Variants in MEGF11 observed in about 807,000 individuals in gnomAD.
MEGF11 encodes multiple EGF like domains 11.
In MEGF11, 126 loss-of-function variants were observed where a neutral mutation model predicts 146.6. The ratio of observed to expected loss-of-function variants is 0.86; its 90% CI spans 0.74 to 1.00. The LOEUF is 1.00. Ranked by LOEUF, MEGF11 falls within the 50% of genes least tolerant of loss-of-function variation. The pLI, the probability that MEGF11 is intolerant of heterozygous loss-of-function variation, is 0.00. For missense variants in MEGF11, 1,509 were observed against 1,521.2 expected, an observed-to-expected ratio of 0.99 and a Z score of 0.13; for synonymous variants, 532 against 583.4, an observed-to-expected ratio of 0.91 and a Z score of 1.27.
At chr15:66,104,216 T>C (rs1034505) in intron 4 of MEGF11, among the ~76,000 whole-genome samples, 124,888 of 152,194 alleles carry the variant, frequency 0.82, 51,522 homozygotes, top group East Asian at 0.89. Context: ...ACAAGCTTCG[T>C]TATCTTGTCT....
intron 5 of MEGF11, among the ~76,000 whole-genome samples, chr15:66,030,039 A>G (rs2083461593): frequency 6.6e-6 from 1 of 152,236 alleles, no homozygotes; most frequent in Non-Finnish European, 1.5e-5. Flanking sequence ...CTCAGCGCTA[A>G]GCGGGATCAT....
chr15:65,974,005 T>G (rs2081374646), intron 7 of MEGF11, among the ~76,000 whole-genome samples: 1 of 152,222 alleles, frequency 6.6e-6, no homozygotes, highest in Non-Finnish European at 1.5e-5. Flanking sequence ...TCTTGTCTCC[T>G]GCTGCCCTTC....
chr15:66,010,482 C>T (rs2082677644), intron 5 of MEGF11, among the ~76,000 whole-genome samples: 2 of 152,108 alleles, frequency 1.3e-5, no homozygotes, highest in South Asian at 2.1e-4. Flanking sequence ...CATGACTCAC[C>T]GCACCCAGCA....
chr15:66,232,050 G>A (rs1405479916), intron 1 of MEGF11, among the ~76,000 whole-genome samples: 2 of 152,210 alleles, frequency 1.3e-5, no homozygotes, highest in African/African-American at 2.4e-5. Context: ...GATGATGGTG[G>A]TAGAGCTGAG....
chr15:66,239,064 C>T (rs1240937612), intron 1 of MEGF11, among the ~76,000 whole-genome samples: 1 of 152,178 alleles, frequency 6.6e-6, no homozygotes, highest in East Asian at 1.9e-4. Flanking sequence ...CCAAGGTCAC[C>T]TGCTTTTAAA....
intron 5 of MEGF11, among the ~76,000 whole-genome samples, chr15:65,988,559 G>A (rs541039380): frequency 6.6e-6 from 1 of 152,284 alleles, no homozygotes; most frequent in African/African-American, 2.4e-5. Context: ...TTGTCTAGAA[G>A]ACAACAGTGA....
chr15:66,238,027 G>C (rs892708071), intron 1 of MEGF11, among the ~76,000 whole-genome samples: 9 of 152,144 alleles, frequency 5.9e-5, no homozygotes, highest in Non-Finnish European at 1.2e-4. Context: ...TCAGGTCCTG[G>C]GGCTTCGCAG....
At chr15:66,208,874 T>A (rs1257031237) in intron 1 of MEGF11, among the ~76,000 whole-genome samples, 1 of 148,928 alleles carries the variant, frequency 6.7e-6, no homozygotes, top group Non-Finnish European at 1.5e-5. Flanking sequence ...TGAAACTCCA[T>A]CTCAAAAAAG....
chr15:65,936,356 G>A (rs2079787970), intron 10 of MEGF11, among the ~76,000 whole-genome samples: 1 of 152,178 alleles, frequency 6.6e-6, no homozygotes, highest in Non-Finnish European at 1.5e-5. Flanking sequence ...TTCATGTCTA[G>A]ATTCTCAGAG....
chr15:66,157,958 C>T (rs2089821320), intron 1 of MEGF11, among the ~76,000 whole-genome samples: 1 of 152,144 alleles, frequency 6.6e-6, no homozygotes, highest in South Asian at 2.1e-4. Flanking sequence ...AACACAGGCA[C>T]AGGATTTTAT....
At chr15:65,913,651 C>T in intron 20 of MEGF11, 86 bp downstream of exon 20, 1 of 1,236,142 alleles carries the variant, frequency 8.1e-7, no homozygotes, top group Non-Finnish European at 1.2e-6. Flanking sequence ...CATTCAGCCA[C>T]AGCAGCCAAC....
At chr15:65,991,425 T>A (rs1324191678) in intron 5 of MEGF11, among the ~76,000 whole-genome samples, 1 of 152,186 alleles carries the variant, frequency 6.6e-6, no homozygotes, top group Non-Finnish European at 1.5e-5. Flanking sequence ...TTCAGAGGCA[T>A]TAAATAACTA....
chr15:66,052,888 A>G (rs1190564353), intron 5 of MEGF11, among the ~76,000 whole-genome samples: 1 of 152,232 alleles, frequency 6.6e-6, no homozygotes, highest in Non-Finnish European at 1.5e-5. Flanking sequence ...ATCTCTGGCG[A>G]ATTGGGCATC....
intron 5 of MEGF11, among the ~76,000 whole-genome samples, chr15:66,083,418 T>C (rs1005438011): frequency 6.6e-5 from 10 of 152,120 alleles, no homozygotes; most frequent in Admixed American, 5.9e-4. Context: ...TAAATAGTAT[T>C]GGGGAAACTG....
chr15:66,000,022 G>C (rs774583605), intron 5 of MEGF11, among the ~76,000 whole-genome samples: 1 of 152,132 alleles, frequency 6.6e-6, no homozygotes, highest in African/African-American at 2.4e-5. Flanking sequence ...TTAACCCACC[G>C]GACCTCTGGG....
intron 10 of MEGF11, among the ~76,000 whole-genome samples, chr15:65,942,001 C>T (rs535589151): frequency 4.0e-4 from 61 of 152,066 alleles, no homozygotes; most frequent in African/African-American, 1.5e-3. Context: ...TTTTTTCCCT[C>T]TTATCTCCTT....
intron 5 of MEGF11, among the ~76,000 whole-genome samples, chr15:66,049,869 G>A (rs555690676): frequency 1.4e-4 from 22 of 152,268 alleles, no homozygotes; most frequent in African/African-American, 4.6e-4. Context: ...TAGTCACGGC[G>A]TCTAGCCCAG....
intron 1 of MEGF11, among the ~76,000 whole-genome samples, chr15:66,235,513 A>G (rs942622416): frequency 8.2e-6 from 1 of 122,194 alleles, no homozygotes; most frequent in Admixed American, 8.1e-5. Context: ...AAGAAAAAAA[A>G]AAGGTCAAAA....
At chr15:66,194,762 A>G (rs1415939339) in intron 1 of MEGF11, among the ~76,000 whole-genome samples, 1 of 152,192 alleles carries the variant, frequency 6.6e-6, no homozygotes, top group East Asian at 1.9e-4. Flanking sequence ...AGAAATCACC[A>G]CTAAAGAACT....
Sources: gnomAD v4.1 joint callset for allele counts (sites outside exome capture counted in the v4.1 genomes callset) on GRCh38, gnomAD v4.1.1 for gene constraint, MANE v1.5 for transcripts, NCBI Gene and HGNC (gene_info 2026-07-23, HGNC 2026-07-21) for gene names.